Variants in CPEB1 observed in about 807,000 individuals in gnomAD.
CPEB1 encodes the protein cytoplasmic polyadenylation element-binding protein 1.
Under a neutral mutation model 65.8 loss-of-function variants are expected in CPEB1, and 7 were observed. The observed-to-expected ratio is 0.11, with a 90% CI of 0.06 to 0.20. CPEB1 has a LOEUF of 0.20. Ranked by LOEUF, CPEB1 falls within the 10% of genes least tolerant of loss-of-function variation. The probability of loss-of-function intolerance (pLI) is 1.00; values close to 1 mark genes in which losing one functional copy is unlikely to be tolerated. For missense variants in CPEB1, 551 were observed against 712.2 expected (o/e 0.77, Z 2.58); for synonymous variants, 262 against 260.0 (o/e 1.01, Z -0.08).
intron 1 of CPEB1, among the ~76,000 whole-genome samples, chr15:82,638,231 C>T (rs2046826557): frequency 6.6e-6 from 1 of 152,120 alleles, no homozygotes; most frequent in South Asian, 2.1e-4. Flanking sequence ...AGATTAGTTA[C>T]AATATGGAAT....
intron 6 of CPEB1, among the ~76,000 whole-genome samples, chr15:82,555,485 A>C (rs2037037297): frequency 1.3e-5 from 2 of 152,250 alleles, no homozygotes; most frequent in South Asian, 4.1e-4. Context: ...TTTGAATTAG[A>C]ATGTGGAGAG....
At chr15:82,629,667 A>G (rs2046077617) in intron 1 of CPEB1, 2 of 983,466 alleles carry the variant, frequency 2.0e-6, no homozygotes, top group African/African-American at 3.5e-5. Context: ...AGCCTGCCTC[A>G]TCAGTTCTAT....
chr15:82,581,579 G>C (rs1290338952), intron 3 of CPEB1, among the ~76,000 whole-genome samples: 1 of 152,118 alleles, frequency 6.6e-6, no homozygotes, highest in Admixed American at 6.5e-5. Context: ...ATGCACAAAT[G>C]TTCTAATTTC....
Position 82,588,089 on chromosome 15 carries a change from G to GT in CPEB1, c.272-16558dup, listed in dbSNP as rs758412445. 1.9e-3 allele frequency among the ~76,000 whole-genome samples: 271 copies of GT among 145,194 alleles called. 3 individuals carry two copies. The highest frequency in any genetic ancestry group is 7.5e-4 in the Non-Finnish European group (50 of 66,452). ...GGCACATGCCACCACATCCAACTAG[G>GT]TTTTTTTTTGTTTGTTTTTTGTTTT... On this transcript the variant is annotated intron_variant, in intron 3 of 12. Transcript: ENST00000684509.
chr15:82,577,431 T>A (rs767771389), intron 3 of CPEB1, among the ~76,000 whole-genome samples: 2 of 152,316 alleles, frequency 1.3e-5, no homozygotes, highest in Middle Eastern at 6.8e-3. Flanking sequence ...AAAAACTATT[T>A]TAAGTTTTCT....
chr15:82,544,110 TTAAA>T lies in CPEB1; in HGVS notation c.*478_*481del, dbSNP rs2034750107. ...TCAGTTTATGCCGTTCAGGTGGGGGTTAAATAAATGGAAAGGCACTGTATGGCAA... is the reference window on the plus strand; with the variant it reads ...TCAGTTTATGCCGTTCAGGTGGGGGTTAAATGGAAAGGCACTGTATGGCAA... On this transcript the variant is annotated 3_prime_UTR_variant, in exon 13 of 13. Transcript: ENST00000684509. 1.3e-5 allele frequency: 2 copies of T among 152,792 alleles called. No individual in the cohort carries two copies. The highest frequency in any genetic ancestry group is 4.8e-5 in the African/African-American group (2 of 41,334). 9.5% of individuals were successfully genotyped at this position (152,792 alleles called of 1,614,324 possible). A position where few individuals can be genotyped will look rare whatever the true frequency, so the allele number is the denominator to read the frequency against.
At chr15:82,628,074 T>C (rs898407682) in intron 2 of CPEB1, 24 of 628,992 alleles carry the variant, frequency 3.8e-5, no homozygotes, top group Non-Finnish European at 5.9e-5. Context: ...ACAGAAAGGA[T>C]TGTTAATGCT....
rs1173144851 is a variant in CPEB1, at chr15:82,647,335, C to T, written c.-296G>A. Reference sequence around the variant, plus strand: ...CTCCACCTTAAAGGTGCCGCGACCGCCGCCGTCGTGGGGCTCTCCACAGAG... The same window carrying T: ...CTCCACCTTAAAGGTGCCGCGACCGTCGCCGTCGTGGGGCTCTCCACAGAG... On this transcript the variant is annotated 5_prime_UTR_variant, in exon 1 of 13. Coordinates refer to ENST00000684509, the MANE Select transcript of CPEB1 (RefSeq NM_001365242.1). 6.5e-6 allele frequency: 1 copy of T among 152,868 alleles called. No individual in the cohort carries two copies. The highest frequency in any genetic ancestry group is 1.5e-5 in the Non-Finnish European group (1 of 68,544). The allele number at this position is 152,868 out of a possible 1,614,324, so 9.5% of individuals were successfully genotyped here.
intron 3 of CPEB1, among the ~76,000 whole-genome samples, chr15:82,616,297 T>C (rs2044700672): frequency 6.6e-6 from 1 of 152,024 alleles, no homozygotes; most frequent in Non-Finnish European, 1.5e-5. Context: ...TTTATTTACA[T>C]AAAAATGTAA....
At chr15:82,592,525 C>G (rs560693798) in intron 3 of CPEB1, among the ~76,000 whole-genome samples, 2 of 149,492 alleles carry the variant, frequency 1.3e-5, no homozygotes, top group South Asian at 4.2e-4. Context: ...TTGCAGTGAG[C>G]CAAGATTACA....
Position 82,544,456 on chromosome 15 carries a change from C to T in CPEB1, c.*136G>A, listed in dbSNP as rs2034813336. The T allele has an allele frequency of 1.6e-6, 1 of 627,638 alleles. No homozygotes were observed. Among genetic ancestry groups the T allele is most frequent in the South Asian group, 2.0e-5 (1 of 51,156 alleles). The allele number at this position is 627,638 out of a possible 1,614,324, so 38.9% of individuals were successfully genotyped here. On this transcript the variant is annotated 3_prime_UTR_variant, in exon 13 of 13. Transcript: ENST00000684509. ...AGTGCAGAAACAAAGACAGATTCAG[C>T]AAGTGCAAAGGTGACTACAATTTTC...
At chr15:82,565,942 TG>T (rs2039053376) in intron 4 of CPEB1, among the ~76,000 whole-genome samples, 2 of 152,186 alleles carry the variant, frequency 1.3e-5, no homozygotes, top group Admixed American at 6.5e-5. Flanking sequence ...AGGGAAGTCA[TG>T]GGGAGGAGAG....
intron 3 of CPEB1, among the ~76,000 whole-genome samples, chr15:82,617,392 T>G (rs925111920): frequency 6.6e-6 from 1 of 152,202 alleles, no homozygotes; most frequent in Admixed American, 6.5e-5. Flanking sequence ...AATGGTTTCA[T>G]TTCTCTTGAG....
intron 3 of CPEB1, among the ~76,000 whole-genome samples, chr15:82,590,012 G>A (rs1567205076): frequency 1.3e-5 from 2 of 152,008 alleles, no homozygotes; most frequent in Non-Finnish European, 2.9e-5. Flanking sequence ...TGCACAGGAG[G>A]TCCTGGATTC....
chr15:82,603,384 A>C (rs1244297066), intron 3 of CPEB1, among the ~76,000 whole-genome samples: 1 of 152,062 alleles, frequency 6.6e-6, no homozygotes, highest in Non-Finnish European at 1.5e-5. Context: ...ATCAGAGGCA[A>C]TTATTAAATA....
rs944556461 is a variant in CPEB1 at position 82,571,519 on chromosome 15, A to G, written c.285T>C (p.Ser95=). ...IHDHLPDFQD[S]EETVTSRMLF... ...GCATCCTGCTTGTAACTGTTTCTTC[A>G]GAGTCCTGGAAGTCTGTTTTGGAAA... The change falls in exon 4 of 13, where the codon TCT becomes TCC. Residue 95 remains serine (S), a synonymous_variant. Transcript: ENST00000684509. The G allele has an allele frequency of 6.2e-7, 1 of 1,613,770 alleles. No individual in the cohort carries two copies. Among genetic ancestry groups the G allele is most frequent in the Non-Finnish European group, 8.5e-7 (1 of 1,179,796 alleles).
chr15:82,620,011 T>C (rs563955425), intron 3 of CPEB1, among the ~76,000 whole-genome samples: 51 of 152,248 alleles, frequency 3.3e-4, no homozygotes, highest in African/African-American at 1.2e-3. Context: ...CTATTAACAG[T>C]ATAATGAATA....
intron 4 of CPEB1, among the ~76,000 whole-genome samples, chr15:82,570,773 C>T (rs762996431): frequency 1.3e-5 from 2 of 151,964 alleles, no homozygotes; most frequent in Non-Finnish European, 2.9e-5. Context: ...CCCCACTCAC[C>T]CTGCCTACCC....
At chr15:82,618,931 G>A (rs2045029966) in intron 3 of CPEB1, among the ~76,000 whole-genome samples, 1 of 152,174 alleles carries the variant, frequency 6.6e-6, no homozygotes, top group Non-Finnish European at 1.5e-5. Context: ...AGAACTTTGT[G>A]TATGTGGGGC....
Sources: allele counts gnomAD v4.1 joint callset (sites outside exome capture counted in the v4.1 genomes callset), GRCh38; gene constraint gnomAD v4.1.1; transcripts MANE v1.5; gene names NCBI Gene and HGNC (gene_info 2026-07-23, HGNC 2026-07-21).